Variants in ARID1B observed in about 807,000 individuals in gnomAD.
ARID1B encodes the protein AT-rich interactive domain-containing protein 1B.
In ARID1B, 30 loss-of-function variants were observed where a neutral mutation model predicts 212.3. The ratio of observed to expected loss-of-function variants is 0.14; its 90% CI spans 0.11 to 0.19. ARID1B has a LOEUF of 0.19. Among genes scored for constraint, ARID1B ranks in the 10% least tolerant of loss-of-function variants. The pLI is 1.00. For synonymous variants in ARID1B, 1,402 were observed against 1,301.7 expected, an observed-to-expected ratio of 1.08 and a Z score of -1.66; for missense variants, 2,891 against 3,204.0, an observed-to-expected ratio of 0.90 and a Z score of 2.36.
At chr6:157,032,451 C>T (rs761454000) in intron 4 of ARID1B, among the ~76,000 whole-genome samples, 2 of 152,030 alleles carry the variant, frequency 1.3e-5, no homozygotes, top group African/African-American at 2.4e-5. Flanking sequence ...CTCTTTCTAG[C>T]GGCTTGATTG....
At chr6:157,181,549 G>C (rs981834437) in intron 12 of ARID1B, among the ~76,000 whole-genome samples, 1 of 152,234 alleles carries the variant, frequency 6.6e-6, no homozygotes, top group Non-Finnish European at 1.5e-5. Flanking sequence ...ATCTGTGTCA[G>C]ATATAAGTCA....
chr6:156,817,493 A>G (rs1782049974), intron 1 of ARID1B, among the ~76,000 whole-genome samples: 2 of 151,734 alleles, frequency 1.3e-5, no homozygotes, highest in African/African-American at 2.4e-5. Context: ...AGCCAGGTGT[A>G]GTAGCACACG....
At chr6:156,916,332 G>T (rs563839862) in intron 3 of ARID1B, among the ~76,000 whole-genome samples, 146 of 152,176 alleles carry the variant, frequency 9.6e-4, no homozygotes, top group African/African-American at 3.3e-3. Context: ...GAGTAGGTCT[G>T]GTTTATTCTT....
At chr6:157,180,384 A>C (rs914696200) in intron 11 of ARID1B, among the ~76,000 whole-genome samples, 1 of 151,886 alleles carries the variant, frequency 6.6e-6, no homozygotes, top group Non-Finnish European at 1.5e-5. Context: ...AAAAAAACAA[A>C]AAAAAACAAA....
chr6:156,778,719 G>A lies in ARID1B; in HGVS notation c.1039G>A (p.Gly347Arg), dbSNP rs2114983309. Residue 347 changes from glycine (G) to arginine (R), a missense_variant, in exon 1 of 20, where the codon GGG (glycine) becomes AGG (arginine). Around this residue, in one of 7 missense-constraint regions of ARID1B, gnomAD observed 1,643 missense variants for 1,544.0 expected, o/e 1.06. Transcript: ENST00000636930. ...TGGCGGACAACAAAGCCCCGGGATGGGGATGATGCACTCCGCCTCCGCCGC... is the reference window on the plus strand; with the variant it reads ...TGGCGGACAACAAAGCCCCGGGATGAGGATGATGCACTCCGCCTCCGCCGC... Reference protein sequence around the residue: ...QHGGQQSPGMGMMHSASAAAA... With the variant: ...QHGGQQSPGMRMMHSASAAAA... The A allele has an allele frequency of 6.6e-7, 1 of 1,524,334 alleles. No individual in the cohort carries two copies. Among genetic ancestry groups the A allele is most frequent in the Non-Finnish European group, 8.8e-7 (1 of 1,134,284 alleles). 94.4% of individuals were successfully genotyped at this position (1,524,334 alleles called of 1,614,324 possible).
intron 4 of ARID1B, among the ~76,000 whole-genome samples, chr6:157,074,744 A>G (rs113580049): frequency 0.016 from 2,426 of 152,190 alleles, 70 homozygotes; most frequent in African/African-American, 0.055. Context: ...GAGACTCTTT[A>G]TAGTGGAGTG....
chr6:156,928,508 T>C (rs284428), intron 3 of ARID1B, among the ~76,000 whole-genome samples: 28,628 of 151,980 alleles, frequency 0.19, 3,185 homozygotes, highest in African/African-American at 0.31. Context: ...ACCCGATGAG[T>C]GCAAGGCACT....
At chr6:156,915,008 A>C (rs1562481990) in intron 3 of ARID1B, among the ~76,000 whole-genome samples, 1 of 152,226 alleles carries the variant, frequency 6.6e-6, no homozygotes, top group Non-Finnish European at 1.5e-5. Context: ...TGCCTGCACA[A>C]AGTAGAAACT....
intron 1 of ARID1B, among the ~76,000 whole-genome samples, chr6:156,795,786 A>G (rs1780326328): frequency 6.6e-6 from 1 of 151,890 alleles, no homozygotes; most frequent in South Asian, 2.1e-4. Flanking sequence ...ACTGTGCCTT[A>G]TGGGTAAAGT....
chr6:156,778,950 G>A lies in ARID1B; in HGVS notation c.1270G>A (p.Ala424Thr), dbSNP rs1216167917. 79 of 1,288,040 alleles carry A rather than the reference G, an allele frequency of 6.1e-5. No individual in the cohort carries two copies. Among genetic ancestry groups the A allele is most frequent in the Non-Finnish European group, 7.5e-5 (77 of 1,026,702 alleles). 79.8% of individuals were successfully genotyped at this position (1,288,040 alleles called of 1,614,324 possible). ...AGGAGAGAVA[A>T]AAAAAAAAAG... ...AGGAGCAGGAGCGGGAGCTGTGGCG[G>A]CGGCGGCCGCGGCGGCGGCGGCAGC... The change falls in exon 1 of 20, where the codon GCG becomes ACG. Residue 424 changes from alanine to threonine, a missense_variant. By Grantham distance (58) the Ala-to-Thr change is moderately conservative. Coordinates refer to ENST00000636930, the MANE Select transcript of ARID1B (RefSeq NM_001374828.1).
At chr6:157,150,646 G>A (rs1790128488) in intron 8 of ARID1B, 1 of 171,546 alleles carries the variant, frequency 5.8e-6, no homozygotes, top group African/African-American at 2.4e-5. Flanking sequence ...GCACCTATGT[G>A]TGGGGGTGAC....
chr6:156,993,826 T>A (rs962951597), intron 4 of ARID1B, among the ~76,000 whole-genome samples: 2 of 152,238 alleles, frequency 1.3e-5, no homozygotes, highest in African/African-American at 4.8e-5. Context: ...TAAATATGGA[T>A]AATATGTCCA....
At chr6:156,964,640 A>G (rs1386548442) in intron 4 of ARID1B, among the ~76,000 whole-genome samples, 1 of 152,246 alleles carries the variant, frequency 6.6e-6, no homozygotes, top group African/African-American at 2.4e-5. Context: ...TTGATTTTAC[A>G]AAAAAGAATA....
At chr6:157,027,584 C>T (rs946687639) in intron 4 of ARID1B, among the ~76,000 whole-genome samples, 1 of 152,188 alleles carries the variant, frequency 6.6e-6, no homozygotes, top group Admixed American at 6.5e-5. Flanking sequence ...GACACACAAT[C>T]GAGATGTATG....
intron 2 of ARID1B, among the ~76,000 whole-genome samples, chr6:156,876,735 G>A (rs1786588810): frequency 1.3e-5 from 2 of 152,174 alleles, no homozygotes; most frequent in Admixed American, 6.5e-5. Context: ...CGTCACTGGC[G>A]TGGGCAGTTG....
At chr6:156,933,211 C>T (rs1791893460) in intron 3 of ARID1B, among the ~76,000 whole-genome samples, 1 of 151,882 alleles carries the variant, frequency 6.6e-6, no homozygotes, top group African/African-American at 2.4e-5. Context: ...ACTTTTGAGC[C>T]TGTTACTATT....
chr6:157,174,282 CT>C (rs760839066), intron 10 of ARID1B, 165 bp downstream of exon 10: 15 of 603,542 alleles, frequency 2.5e-5, no homozygotes, highest in Non-Finnish European at 4.4e-5. Context: ...TCCCCAGCCC[CT>C]TCATGGTGTG....
chr6:157,201,512 C>G lies in ARID1B; in HGVS notation c.5263+24C>G, dbSNP rs2128377693. 6.7e-7 allele frequency: 1 copy of G among 1,492,108 alleles called. No individual in the cohort carries two copies. Among genetic ancestry groups the G allele is most frequent in the Admixed American group, 2.4e-5 (1 of 41,224 alleles). The allele number at this position is 1,492,108 out of a possible 1,614,324, so 92.4% of individuals were successfully genotyped here. On this transcript the variant is annotated intron_variant, in intron 18 of 19. Transcript: ENST00000636930. The surrounding 1 kb of genome is among the most constrained non-coding windows in gnomAD (Gnocchi z 5.2). Reference sequence around the variant, plus strand: ...CGGTAAGAATTCCAAAGCTTTCATTCTGAAATGAATTCCAGTTGCAGTGTA... The same window carrying G: ...CGGTAAGAATTCCAAAGCTTTCATTGTGAAATGAATTCCAGTTGCAGTGTA...
At chr6:157,007,307 T>C (rs1197716788) in intron 4 of ARID1B, among the ~76,000 whole-genome samples, 1 of 152,250 alleles carries the variant, frequency 6.6e-6, no homozygotes, top group East Asian at 1.9e-4. Context: ...TTTCTAAGTT[T>C]TCTGTATTTG....
Sources: allele counts gnomAD v4.1 joint callset (sites outside exome capture counted in the v4.1 genomes callset), GRCh38; gene constraint gnomAD v4.1.1; regional missense constraint gnomAD v4.1.1; non-coding constraint Gnocchi (gnomAD v3.1); transcripts MANE v1.5; gene names NCBI Gene and HGNC (gene_info 2026-07-23, HGNC 2026-07-21).